CTNNA2: variants seen among roughly 807,000 people sequenced by gnomAD.
The protein encoded by CTNNA2 is catenin alpha 2, also known as catenin alpha-2.
Under a neutral mutation model 101.0 loss-of-function variants are expected in CTNNA2, and 42 were observed. That is an observed-to-expected ratio of 0.42 (90% CI 0.32 to 0.54). The LOEUF (loss-of-function observed/expected upper bound fraction) is 0.54, where lower values mean the gene tolerates loss of function less well. CTNNA2 is among the 20% of genes least tolerant of loss of function. CTNNA2 has a pLI of 0.14. For missense variants in CTNNA2, 871 were observed against 1,223.1 expected (o/e 0.71, Z 4.29); for synonymous variants, 450 against 456.4 (o/e 0.99, Z 0.18).
chr2:80,001,555 T>C (rs777467062), intron 7 of CTNNA2, among the ~76,000 whole-genome samples: 5 of 152,242 alleles, frequency 3.3e-5, no homozygotes, highest in Admixed American at 1.3e-4. Context: ...TAAGAAATTT[T>C]TCTCCTGGGG....
chr2:80,434,776 T>A (rs1681885706), intron 9 of CTNNA2, among the ~76,000 whole-genome samples: 1 of 152,072 alleles, frequency 6.6e-6, no homozygotes, highest in Admixed American at 6.6e-5. Flanking sequence ...AGGAGATCAC[T>A]AGGCAGAGAA....
chr2:79,412,200 C>T (rs1287901201), intron 4 of CTNNA2, among the ~76,000 whole-genome samples: 6 of 152,024 alleles, frequency 3.9e-5, no homozygotes, highest in East Asian at 3.9e-4. Flanking sequence ...GCTAACTATC[C>T]GAAATATATA....
At chr2:79,994,065 A>G (rs986439802) in intron 7 of CTNNA2, among the ~76,000 whole-genome samples, 6 of 151,954 alleles carry the variant, frequency 3.9e-5, no homozygotes, top group Non-Finnish European at 7.4e-5. Flanking sequence ...GCACCACCAC[A>G]CCTAGCTATT....
At chr2:80,369,140 G>T (rs1463919045) in intron 7 of CTNNA2, among the ~76,000 whole-genome samples, 1 of 152,010 alleles carries the variant, frequency 6.6e-6, no homozygotes, top group Non-Finnish European at 1.5e-5. Flanking sequence ...AGAGGAGTGA[G>T]AGGTGCCTGG....
chr2:80,290,829 G>A (rs1248141275), intron 7 of CTNNA2, among the ~76,000 whole-genome samples: 1 of 152,038 alleles, frequency 6.6e-6, no homozygotes, highest in Non-Finnish European at 1.5e-5. Flanking sequence ...AAGGAAGGAT[G>A]GAGGGAGGGA....
intron 7 of CTNNA2, among the ~76,000 whole-genome samples, chr2:79,955,329 G>C (rs769132374): frequency 6.6e-6 from 1 of 152,158 alleles, no homozygotes; most frequent in Non-Finnish European, 1.5e-5. Flanking sequence ...ATGAAGGGGA[G>C]TTTCGTGTTA....
At position 80,393,245 on chromosome 2, in the gene CTNNA2, T is replaced by C. The variant is rs61754542; in HGVS notation, c.1091T>C (p.Ile364Thr). The C allele has an allele frequency of 2.8e-3, 4,495 of 1,610,780 alleles. 120 individuals are homozygous for C. In the African/African-American group the frequency reaches 0.05, roughly 18 times the overall value. The change falls in exon 8 of 19, where the codon ATT becomes ACT. Residue 364 changes from isoleucine (I) to threonine (T), a missense_variant. By Grantham distance (89) the Ile-to-Thr change is moderately conservative. Around this residue, in one of 5 missense-constraint regions of CTNNA2, gnomAD observed 647 missense variants for 831.5 expected, o/e 0.78. Coordinates refer to ENST00000402739, the MANE Select transcript of CTNNA2 (RefSeq NM_001282597.3). Reference protein sequence around the residue: ...GRKEKGDPLNIAIDKMTKKTR... With the variant: ...GRKEKGDPLNTAIDKMTKKTR... Reference sequence around the variant, plus strand: ...AAAGAAAAAGGAGATCCTCTCAACATTGCGATTGATAAGATGACTAAGAAA... The same window carrying C: ...AAAGAAAAAGGAGATCCTCTCAACACTGCGATTGATAAGATGACTAAGAAA...
chr2:79,680,872 C>T (rs1050311693), intron 2 of CTNNA2, among the ~76,000 whole-genome samples: 5 of 151,944 alleles, frequency 3.3e-5, no homozygotes, highest in East Asian at 1.9e-4. Context: ...GTATCACAAA[C>T]GTCCTCTGTC....
At chr2:79,612,801 C>A (rs1678369094) in intron 1 of CTNNA2, among the ~76,000 whole-genome samples, 2 of 152,066 alleles carry the variant, frequency 1.3e-5, no homozygotes, top group South Asian at 4.1e-4. Flanking sequence ...GAAAACCTGG[C>A]ATTGCTTACC....
intron 7 of CTNNA2, among the ~76,000 whole-genome samples, chr2:80,203,818 G>A (rs981972740): frequency 1.3e-5 from 2 of 152,332 alleles, no homozygotes; most frequent in Middle Eastern, 3.4e-3. Context: ...TGCCTTAGCA[G>A]AGGTTCTCTA....
intron 3 of CTNNA2, among the ~76,000 whole-genome samples, chr2:79,850,760 C>T (rs1352030137): frequency 6.6e-6 from 1 of 152,140 alleles, no homozygotes; most frequent in Non-Finnish European, 1.5e-5. Context: ...GAGAACACTT[C>T]CTTCATCAGA....
At chr2:80,263,605 G>A (rs548699159) in intron 7 of CTNNA2, among the ~76,000 whole-genome samples, 1 of 152,268 alleles carries the variant, frequency 6.6e-6, no homozygotes, top group African/African-American at 2.4e-5. Context: ...CAAAGTGCAG[G>A]GATTACAGGC....
At chr2:80,284,223 A>T (rs902137023) in intron 7 of CTNNA2, among the ~76,000 whole-genome samples, 12 of 152,138 alleles carry the variant, frequency 7.9e-5, no homozygotes. Flanking sequence ...TTTTTGGAGG[A>T]TAAGGGGCCC....
At position 79,595,876 on chromosome 2, in the gene CTNNA2, T is replaced by C. The variant is rs116396260; in HGVS notation, c.-5-55676T>C. ...GTTTCCAACTGCCTTCATTTTATAA[T>C]CCAACTCTTATGCAGTATTCTTTAT... On this transcript the variant is annotated intron_variant, in intron 1 of 18. Transcript: ENST00000402739. Among the ~76,000 whole-genome samples, 1,233 of 151,300 alleles carry C rather than the reference T, an allele frequency of 8.1e-3. 21 individuals are homozygous for C. Among genetic ancestry groups the C allele is most frequent in the African/African-American group, 0.028 (1,170 of 41,258 alleles).
intron 9 of CTNNA2, among the ~76,000 whole-genome samples, chr2:80,481,430 C>T (rs971338805): frequency 2.0e-5 from 3 of 152,060 alleles, no homozygotes; most frequent in African/African-American, 4.8e-5. Flanking sequence ...CAGTCAGGAA[C>T]TTAAAAGTGT....
chr2:79,273,232 C>T (rs1675129561), intron 2 of CTNNA2, among the ~76,000 whole-genome samples: 1 of 152,016 alleles, frequency 6.6e-6, no homozygotes, highest in Non-Finnish European at 1.5e-5. Flanking sequence ...ATCCTTAGGG[C>T]AACCTATCAG....
chr2:80,265,775 G>T (rs318362), intron 7 of CTNNA2, among the ~76,000 whole-genome samples: 1 of 151,974 alleles, frequency 6.6e-6, no homozygotes, highest in African/African-American at 2.4e-5. Context: ...TGTGGACACA[G>T]ATAACAACTG....
At chr2:80,266,822 C>A (rs1187637551) in intron 7 of CTNNA2, among the ~76,000 whole-genome samples, 1 of 152,090 alleles carries the variant, frequency 6.6e-6, no homozygotes, top group African/African-American at 2.4e-5. Context: ...ACACATGCAC[C>A]CAGCACAGAG....
intron 7 of CTNNA2, among the ~76,000 whole-genome samples, chr2:79,968,742 G>A (rs1327602985): frequency 1.3e-5 from 2 of 151,948 alleles, no homozygotes; most frequent in African/African-American, 4.8e-5. Context: ...ATTCCATTTC[G>A]TATGGTTACT....
Sources: allele counts gnomAD v4.1 joint callset (sites outside exome capture counted in the v4.1 genomes callset), GRCh38; gene constraint gnomAD v4.1.1; regional missense constraint gnomAD v4.1.1; transcripts MANE v1.5; gene names NCBI Gene and HGNC (gene_info 2026-07-23, HGNC 2026-07-21).